The following MTFR1 variants were observed in gnomAD, a reference collection of about 807,000 sequenced individuals.
MTFR1 encodes mitochondrial fission regulator 1.
MTFR1 carries 28 observed loss-of-function variants against 38.8 expected under a neutral mutation model. The ratio of observed to expected loss-of-function variants is 0.72; its 90% CI spans 0.53 to 0.99. MTFR1 has a LOEUF of 0.99. MTFR1 is among the 50% of genes least tolerant of loss of function. The pLI is 0.00. For missense variants in MTFR1, 358 were observed against 395.5 expected, an observed-to-expected ratio of 0.91 and a Z score of 0.81; for synonymous variants, 145 against 137.0, an observed-to-expected ratio of 1.06 and a Z score of -0.41.
At chr8:65,747,410 C>G (rs184139379) in intron 3 of MTFR1, among the ~76,000 whole-genome samples, 1 of 152,034 alleles carries the variant, frequency 6.6e-6, no homozygotes, top group African/African-American at 2.4e-5. Flanking sequence ...CTCCTTGTTA[C>G]GTAATGTTAT....
chr8:65,731,031 C>T (rs1806863772), intron 3 of MTFR1, among the ~76,000 whole-genome samples: 1 of 152,182 alleles, frequency 6.6e-6, no homozygotes, highest in African/African-American at 2.4e-5. Context: ...CTCATATTGA[C>T]CAAGTACCTA....
intron 2 of MTFR1, among the ~76,000 whole-genome samples, chr8:65,677,070 T>C (rs931401643): frequency 1.8e-4 from 20 of 109,666 alleles, no homozygotes; most frequent in African/African-American, 3.9e-4. Context: ...ATTTCTCTCT[T>C]TTTTTTTTTT....
At chr8:65,667,770 T>C (rs1052745828) in intron 1 of MTFR1, among the ~76,000 whole-genome samples, 3 of 152,134 alleles carry the variant, frequency 2.0e-5, no homozygotes, top group Non-Finnish European at 4.4e-5. Flanking sequence ...CCATATTGAG[T>C]CAAACTCTTC....
chr8:65,708,091 C>G, intron 7 of MTFR1, 80 bp downstream of exon 7: 1 of 1,603,766 alleles, frequency 6.2e-7, no homozygotes. Flanking sequence ...GCAAGTGATT[C>G]ACCTGTGTCA....
At chr8:65,712,913 T>C (rs1387572920), downstream of MTFR1, among the ~76,000 whole-genome samples, 1 of 152,208 alleles carries the variant, frequency 6.6e-6, no homozygotes, top group African/African-American at 2.4e-5. Flanking sequence ...TAAGGGAACT[T>C]GGGAAATCAT....
rs148137982 is a variant in MTFR1, at chr8:65,693,700, G to A, written c.222G>A (p.Ala74=). 3.7e-5 allele frequency: 59 copies of A among 1,614,048 alleles called. No individual in the cohort carries two copies. Among genetic ancestry groups the A allele is most frequent in the Middle Eastern group, 3.3e-4 (2 of 6,084 alleles). Residue 74 remains alanine (A), a synonymous_variant, in exon 4 of 8, where the codon GCG becomes GCA. Transcript: ENST00000262146. The part of the protein sequence containing the change: ...SPSHPGEDAV[A]SFADVGWVAK... ...GCCACCCAGGAGAGGATGCAGTGGC[G>A]TCTTTTGCTGATGTTGGATGGGTAG...
chr8:65,754,129 T>G (rs1808102931), intron 3 of MTFR1, among the ~76,000 whole-genome samples: 1 of 152,098 alleles, frequency 6.6e-6, no homozygotes, highest in Non-Finnish European at 1.5e-5. Context: ...AGTCTGATGT[T>G]TGAGGGATCC....
intron 1 of MTFR1, among the ~76,000 whole-genome samples, chr8:65,667,588 C>G (rs1804424003): frequency 1.3e-5 from 2 of 151,896 alleles, no homozygotes; most frequent in African/African-American, 4.8e-5. Context: ...CTACCATGCC[C>G]AGCTAATTTT....
rs891106599 is a variant in MTFR1 at position 65,706,923 on chromosome 8, A to G, written c.518-87A>G. 13 of 1,448,788 alleles carry G rather than the reference A, an allele frequency of 9.0e-6. No homozygotes were observed. The African/African-American group carries it at 1.6e-4, about 17-fold the overall frequency. The allele number at this position is 1,448,788 out of a possible 1,614,324, so 89.7% of individuals were successfully genotyped here. On this transcript the variant is annotated intron_variant, in intron 5 of 7. Transcript: ENST00000262146. ...GAATATTGTTTTTAGGGGTACAAAA[A>G]TCTTTAACATCATTTTGCTTTTAAA...
intron 3 of MTFR1, among the ~76,000 whole-genome samples, chr8:65,741,816 G>A (rs1807449509): frequency 6.6e-6 from 1 of 152,134 alleles, no homozygotes; most frequent in Non-Finnish European, 1.5e-5. Flanking sequence ...TTTTTCAAAT[G>A]TAACAAAACA....
At chr8:65,733,773 A>G (rs1411514372) in intron 3 of MTFR1, among the ~76,000 whole-genome samples, 9 of 152,210 alleles carry the variant, frequency 5.9e-5, no homozygotes, top group Non-Finnish European at 4.4e-5. Context: ...GGGCATTTTC[A>G]CATATTCTAT....
intron 4 of MTFR1, among the ~76,000 whole-genome samples, chr8:65,694,410 C>T (rs1805375751): frequency 1.3e-5 from 2 of 151,984 alleles, no homozygotes; most frequent in African/African-American, 2.4e-5. Context: ...GAGTTTTCAC[C>T]ATGTTGCCTA....
intron 3 of MTFR1, among the ~76,000 whole-genome samples, chr8:65,685,400 G>A (rs1805041635): frequency 6.6e-6 from 1 of 152,212 alleles, no homozygotes; most frequent in South Asian, 2.1e-4. Flanking sequence ...GAACTTGGCT[G>A]TGTGGTTATA....
intron 2 of MTFR1, among the ~76,000 whole-genome samples, chr8:65,680,765 T>C (rs1804854627): frequency 6.6e-6 from 1 of 152,110 alleles, no homozygotes; most frequent in Non-Finnish European, 1.5e-5. Flanking sequence ...TTTTAGTCTT[T>C]AGAATATAAT....
At chr8:65,719,278 T>G in intron 2 of MTFR1, 1 of 1,600,800 alleles carries the variant, frequency 6.2e-7, no homozygotes, top group Non-Finnish European at 8.6e-7. Flanking sequence ...TTTGTCCCAC[T>G]GGTTCTGGGG....
intron 1 of MTFR1, among the ~76,000 whole-genome samples, chr8:65,652,806 A>C (rs1020721861): frequency 1.3e-5 from 2 of 152,236 alleles, no homozygotes; most frequent in Non-Finnish European, 2.9e-5. Flanking sequence ...ATCTGTAAAC[A>C]AGGATAATTT....
At chr8:65,649,798 C>T (rs575141576) in intron 1 of MTFR1, among the ~76,000 whole-genome samples, 1 of 151,702 alleles carries the variant, frequency 6.6e-6, no homozygotes, top group African/African-American at 2.4e-5. Context: ...CCCCACCCCC[C>T]CACACTGTCC....
intron 1 of MTFR1, among the ~76,000 whole-genome samples, chr8:65,657,439 C>T (rs1809298379): frequency 6.6e-6 from 1 of 152,122 alleles, no homozygotes; most frequent in Non-Finnish European, 1.5e-5. Context: ...GGTCTGGGCA[C>T]AGTGGCTCAT....
At chr8:65,672,572 G>A (rs184083068) in intron 2 of MTFR1, among the ~76,000 whole-genome samples, 6 of 151,940 alleles carry the variant, frequency 3.9e-5, no homozygotes, top group East Asian at 1.9e-4. Flanking sequence ...GTACAGTGGC[G>A]CAGTCTTGGC....
Sources: allele counts gnomAD v4.1 joint callset (sites outside exome capture counted in the v4.1 genomes callset), GRCh38; gene constraint gnomAD v4.1.1; transcripts MANE v1.5; gene names NCBI Gene and HGNC (gene_info 2026-07-23, HGNC 2026-07-21).